SLC24A1: variants seen among roughly 807,000 people sequenced by gnomAD.
The protein encoded by SLC24A1 is sodium/potassium/calcium exchanger 1.
SLC24A1 carries 52 observed loss-of-function variants against 88.1 expected under a neutral mutation model. The observed-to-expected ratio is 0.59, with a 90% CI of 0.47 to 0.74. The LOEUF is 0.74. Ranked by LOEUF, SLC24A1 falls within the 30% of genes least tolerant of loss-of-function variation. SLC24A1 has a pLI of 0.00. For missense variants in SLC24A1, 1,173 were observed against 1,363.3 expected, an observed-to-expected ratio of 0.86 and a Z score of 2.20; for synonymous variants, 455 against 498.0, an observed-to-expected ratio of 0.91 and a Z score of 1.15.
chr15:65,613,480 T>TTGTGTGTGTGTGTGTGTG lies in SLC24A1; in HGVS notation c.-228+874_-228+891dup, dbSNP rs35141100. Among the ~76,000 whole-genome samples, 432 of 149,118 alleles carry TTGTGTGTGTGTGTGTGTG rather than the reference T, an allele frequency of 2.9e-3. 2 individuals are homozygous for TTGTGTGTGTGTGTGTGTG. The highest frequency in any genetic ancestry group is 9.6e-3 in the African/African-American group (391 of 40,530). ...TTGCTGTTAAGTTCCCAGGGTGATTTTGTGTGTGTGTGTGTGTGTGTGTGG... is the reference window on the plus strand; with the variant it reads ...TTGCTGTTAAGTTCCCAGGGTGATTTTGTGTGTGTGTGTGTGTGTGTGTGTGTGTGTGTGTGTGTGTGG... On this transcript the variant is annotated intron_variant, in intron 2 of 11. Transcript: ENST00000537259.
intron 1 of SLC24A1, among the ~76,000 whole-genome samples, chr15:65,622,985 G>A (rs761329343): frequency 2.0e-5 from 3 of 151,952 alleles, no homozygotes; most frequent in Admixed American, 1.3e-4. Context: ...CAAGTGATCC[G>A]CCCACCTCAG....
intron 6 of SLC24A1, among the ~76,000 whole-genome samples, chr15:65,649,961 G>A (rs2075439642): frequency 6.6e-6 from 1 of 152,226 alleles, no homozygotes; most frequent in Non-Finnish European, 1.5e-5. Flanking sequence ...ACCAGGATAG[G>A]GAGGAGGCTC....
chr15:65,630,708 C>T (rs531179929), intron 2 of SLC24A1, among the ~76,000 whole-genome samples: 6 of 152,332 alleles, frequency 3.9e-5, no homozygotes, highest in South Asian at 2.1e-4. Flanking sequence ...CGGTGGCTCA[C>T]GCCTGTAATC....
rs1596357051 is a variant in SLC24A1, at chr15:65,654,172, C to T, written c.*93C>T. The T allele has an allele frequency of 1.3e-6, 2 of 1,520,044 alleles. No homozygotes were observed. The highest frequency in any genetic ancestry group is 2.3e-5 in the East Asian group (1 of 44,140). 94.2% of individuals were successfully genotyped at this position (1,520,044 alleles called of 1,614,324 possible). On this transcript the variant is annotated 3_prime_UTR_variant, in exon 10 of 10. Coordinates refer to ENST00000261892, the MANE Select transcript of SLC24A1 (RefSeq NM_004727.3). ...ACCCTAATGAAAGAATGTATATGAT[C>T]CTGGAAAGTGAACTGGGTGACCTAG...
At chr15:65,660,488 A>G (rs2075817626), downstream of SLC24A1, 2 of 539,582 alleles carry the variant, frequency 3.7e-6, no homozygotes, top group East Asian at 5.8e-5. Context: ...TCCTTCACTA[A>G]TGATAATGTG....
In SLC24A1 at chr15:65,644,478, C is replaced by T. The variant is rs1156273398; in HGVS notation, c.2105C>T (p.Ala702Val). 6.3e-7 allele frequency: 1 copy of T among 1,596,366 alleles called. No homozygotes were observed. Among genetic ancestry groups the T allele is most frequent in the Non-Finnish European group, 8.5e-7 (1 of 1,171,618 alleles). ...GAGAGCTTGAATCAAGGGGCCAGAG[C>T]CCAACCCCAGGCCAAAGCAGAAAGC... ...EEESLNQGAR[A>V]QPQAKAESKP... is the part of the protein sequence containing the mutation. Residue 702 changes from alanine to valine, a missense_variant, in exon 5 of 10, where the codon GCC becomes GTC. By Grantham distance (64) the Ala-to-Val change is moderately conservative (BLOSUM62 0). Transcript: ENST00000261892.
Position 65,649,159 on chromosome 15 carries a change from G to A in SLC24A1, c.2233-1223G>A, listed in dbSNP as rs543649001. On this transcript the variant is annotated intron_variant, in intron 6 of 9. Coordinates refer to ENST00000261892, the MANE Select transcript of SLC24A1 (RefSeq NM_004727.3). ...TGCTCTGTCACCCAGGCTGGAGTGC[G>A]TGACACAATCTCAGCTCACTGCAAC... is the stretch of plus-strand genomic sequence containing the variant. 8.5e-5 allele frequency among the ~76,000 whole-genome samples: 13 copies of A among 152,120 alleles called. 1 individual carries two copies. Among genetic ancestry groups the A allele is most frequent in the South Asian group, 2.1e-4 (1 of 4,816 alleles).
intron 1 of SLC24A1, 79 bp downstream of exon 1, chr15:65,622,171 GA>G (rs1222516929): frequency 6.6e-6 from 1 of 152,222 alleles, no homozygotes; most frequent in African/African-American, 2.4e-5. Context: ...ACATTAGAAA[GA>G]GAGAGACCCT....
rs1210360016 is a variant in SLC24A1, at chr15:65,656,141, AGC to A, written c.*2063_*2064del. 4.5e-5 allele frequency: 44 copies of A among 985,348 alleles called. No individual in the cohort carries two copies. The highest frequency in any genetic ancestry group is 5.2e-5 in the Non-Finnish European group (43 of 829,964). The allele number at this position is 985,348 out of a possible 1,614,324, so 61.0% of individuals were successfully genotyped here. ...GCCTCGGGGATGTCACCTCACCCAC[AGC>A]CTGGGATCTGACGTTCTTCCTCAGA... On this transcript the variant is annotated 3_prime_UTR_variant, in exon 10 of 10. Transcript: ENST00000261892.
In SLC24A1 at chr15:65,639,754, C is replaced by G. The variant is rs184150358; in HGVS notation, c.2053+51C>G. On this transcript the variant is annotated intron_variant, in intron 4 of 9. Coordinates refer to ENST00000261892, the MANE Select transcript of SLC24A1 (RefSeq NM_004727.3). ...GTGGTTTGCCCCATCCACTCCTTCC[C>G]TCCTGCAGCTGGAGAAGAACTGGGA... 8.7e-5 allele frequency: 102 copies of G among 1,170,876 alleles called. No homozygotes were observed. The East Asian group carries it at 2.2e-3, about 25-fold the overall frequency. 72.5% of individuals were successfully genotyped at this position (1,170,876 alleles called of 1,614,324 possible).
chr15:65,650,894 G>A lies in SLC24A1; in HGVS notation c.2745G>A (p.Leu915=). The A allele has an allele frequency of 6.2e-7, 1 of 1,613,960 alleles. No individual in the cohort carries two copies. ...AGCAGGCCATTTACCTCTTCCTTCTGCCCATCGTGTTCCCACTGTGGCTGA... is the reference window on the plus strand; with the variant it reads ...AGCAGGCCATTTACCTCTTCCTTCTACCCATCGTGTTCCCACTGTGGCTGA... The part of the protein sequence containing the change: ...RQKQAIYLFL[L]PIVFPLWLTV... Residue 915 remains leucine (L), a synonymous_variant, in exon 7 of 10, where the codon CTG becomes CTA. Coordinates refer to ENST00000261892, the MANE Select transcript of SLC24A1 (RefSeq NM_004727.3). The surrounding 1 kb of genome is among the most constrained non-coding windows in gnomAD (Gnocchi z 4.1).
intron 6 of SLC24A1, among the ~76,000 whole-genome samples, chr15:65,647,316 A>G (rs1472673976): frequency 6.6e-6 from 1 of 151,910 alleles, no homozygotes; most frequent in African/African-American, 2.4e-5. Flanking sequence ...CATCTCTACT[A>G]AAAATACAAA....
chr15:65,635,446 CAAAAAAAA>C (rs56960432), intron 2 of SLC24A1, among the ~76,000 whole-genome samples: 6 of 58,358 alleles, frequency 1.0e-4, no homozygotes, highest in Admixed American at 2.6e-4. Flanking sequence ...ACTCCGTCTC[CAAAAAAAA>C]AAAAAAAAAA....
downstream of SLC24A1, chr15:65,660,274 C>T (rs1018804056): frequency 3.3e-6 from 5 of 1,534,182 alleles, no homozygotes; most frequent in African/African-American, 1.4e-5. Flanking sequence ...TCCATTATTT[C>T]CCAGAGTTGG....
Position 65,625,901 on chromosome 15 carries a change from G to C in SLC24A1, c.1821G>C (p.Glu607Asp), listed in dbSNP as rs2074497091. ...VFTMKWNKHI[E>D]VWVKEQLSRR... ...CCATGAAGTGGAACAAGCATATCGA[G>C]GTCTGGGTGAAGGAGCAGCTCAGCA... Residue 607 changes from glutamate (E) to aspartate (D), a missense_variant, in exon 2 of 10, where the codon GAG becomes GAC. By Grantham distance (45) the Glu-to-Asp change is conservative. Coordinates refer to ENST00000261892, the MANE Select transcript of SLC24A1 (RefSeq NM_004727.3). 6.2e-7 allele frequency: 1 copy of C among 1,613,884 alleles called. No homozygotes were observed. Among genetic ancestry groups the C allele is most frequent in the African/African-American group, 1.3e-5 (1 of 74,920 alleles).
At chr15:65,635,471 GAAAAAA>G (rs1019171783) in intron 2 of SLC24A1, among the ~76,000 whole-genome samples, 1 of 92,940 alleles carries the variant, frequency 1.1e-5, no homozygotes, top group Non-Finnish European at 2.2e-5. Context: ...AAAAAAAAAA[GAAAAAA>G]AAAGAAAGAA....
intron 5 of SLC24A1, among the ~76,000 whole-genome samples, chr15:65,644,868 C>T (rs759078444): frequency 6.6e-6 from 1 of 152,206 alleles, no homozygotes; most frequent in Non-Finnish European, 1.5e-5. Flanking sequence ...TTTATTTCTT[C>T]TTCCTGTCTC....
At position 65,650,990 on chromosome 15, in the gene SLC24A1, G is replaced by C; in HGVS notation, c.2793+48G>C. 6.5e-7 allele frequency: 1 copy of C among 1,537,836 alleles called. No individual in the cohort carries two copies. The highest frequency in any genetic ancestry group is 9.0e-7 in the Non-Finnish European group (1 of 1,110,784). ...CAGACTCTTTATCCCCAGCAGGGCT[G>C]TGGGGTCTCTCGGCATGCGGGGCTC... is the stretch of plus-strand genomic sequence containing the variant. On this transcript the variant is annotated intron_variant, in intron 7 of 9. Transcript: ENST00000261892. The surrounding 1 kb of genome is among the most constrained non-coding windows in gnomAD (Gnocchi z 4.1).
chr15:65,625,723 G>T lies in SLC24A1; in HGVS notation c.1643G>T (p.Arg548Leu). 1.2e-6 allele frequency: 2 copies of T among 1,613,934 alleles called. No homozygotes were observed. The highest frequency in any genetic ancestry group is 8.5e-7 in the Non-Finnish European group (1 of 1,179,888). ...ATTGGCACTTGTTCCCTCTTCTCCC[G>T]AGAGATCCTCAACCTCACCTGGTGG... ...FVIGTCSLFS[R>L]EILNLTWWPL... Residue 548 changes from arginine (R) to leucine (L), a missense_variant, in exon 2 of 10, where the codon CGA becomes CTA. Coordinates refer to ENST00000261892, the MANE Select transcript of SLC24A1 (RefSeq NM_004727.3).
Sources: gnomAD v4.1 joint callset for allele counts (sites outside exome capture counted in the v4.1 genomes callset) on GRCh38, gnomAD v4.1.1 for gene constraint, Gnocchi (gnomAD v3.1) non-coding constraint, MANE v1.5 for transcripts, NCBI Gene and HGNC (gene_info 2026-07-23, HGNC 2026-07-21) for gene names.